The following SGCD variants were observed in gnomAD, a reference collection of about 807,000 sequenced individuals.
SGCD encodes the protein sarcoglycan delta, also known as delta-sarcoglycan.
A neutral mutation model predicts 36.6 loss-of-function variants in SGCD; 18 were observed. The observed-to-expected ratio is 0.49, with a 90% CI of 0.34 to 0.73. The LOEUF (loss-of-function observed/expected upper bound fraction) is 0.73, where lower values mean the gene tolerates loss of function less well. Ranked by LOEUF, SGCD falls within the 30% of genes least tolerant of loss-of-function variation. The probability of loss-of-function intolerance (pLI) is 0.01; values close to 1 mark genes in which losing one functional copy is unlikely to be tolerated. For synonymous variants in SGCD, 133 were observed against 130.6 expected, an observed-to-expected ratio of 1.02 and a Z score of -0.12; for missense variants, 387 against 346.7, an observed-to-expected ratio of 1.12 and a Z score of -0.92.
At chr5:156,482,281 G>A (rs1334601962) in intron 3 of SGCD, among the ~76,000 whole-genome samples, 1 of 151,804 alleles carries the variant, frequency 6.6e-6, no homozygotes, top group Non-Finnish European at 1.5e-5. Flanking sequence ...AAAAAAAACT[G>A]CTAACATATA....
chr5:156,539,765 A>C (rs185351184), intron 4 of SGCD, among the ~76,000 whole-genome samples: 23 of 152,144 alleles, frequency 1.5e-4, no homozygotes, highest in Non-Finnish European at 2.9e-4. Flanking sequence ...TTTTCCTTTG[A>C]GAGGATACCC....
chr5:155,954,644 G>T (rs1225904942), intron 1 of SGCD, among the ~76,000 whole-genome samples: 1 of 151,546 alleles, frequency 6.6e-6, no homozygotes, highest in Admixed American at 6.6e-5. Context: ...TTTGATAGAG[G>T]TAGCCCCAGG....
At position 156,088,855 on chromosome 5, in the gene SGCD, G is replaced by A. The variant is rs142524200; in HGVS notation, c.-281-29023G>A. Among the ~76,000 whole-genome samples, 138 of 152,262 alleles carry A rather than the reference G, an allele frequency of 9.1e-4. 1 individual carries two copies. The highest frequency in any genetic ancestry group is 6.8e-3 in the Middle Eastern group (2 of 294). On this transcript the variant is annotated intron_variant, in intron 1 of 9. Transcript: ENST00000517913. ...CTCACATGTCCAAGCAGCCTCCTCT[G>A]TGGGGTCAAGCTAGGGTGAAGCCAC...
At position 156,175,426 on chromosome 5, in the gene SGCD, G is replaced by A. The variant is rs1461606590; in HGVS notation, c.-44+51407G>A. Among the ~76,000 whole-genome samples, 3 of 151,626 alleles carry A rather than the reference G, an allele frequency of 2.0e-5. No individual in the cohort carries two copies. In the South Asian group the frequency reaches 6.2e-4, roughly 32 times the overall value. On this transcript the variant is annotated intron_variant, in intron 3 of 9. Transcript: ENST00000517913. The stretch of plus-strand genomic sequence containing the variant: ...CTCTACTTAGAAAAAAAAAATATTC[G>A]TGTACCTTAACATTTACCAAATCAC...
At chr5:155,836,382 C>G in the SGCD span, among the ~76,000 whole-genome samples, 1 of 152,138 alleles carries the variant, frequency 6.6e-6, no homozygotes, top group Non-Finnish European at 1.5e-5. Flanking sequence ...AGACTTTCTT[C>G]CTTTTTTATT....
At chr5:155,962,601 A>G (rs1380515020) in intron 1 of SGCD, among the ~76,000 whole-genome samples, 1 of 152,128 alleles carries the variant, frequency 6.6e-6, no homozygotes, top group Non-Finnish European at 1.5e-5. Context: ...GCTTCAGCTG[A>G]GTGTGGCAAG....
At chr5:156,742,409 T>C (rs1756728496) in intron 7 of SGCD, among the ~76,000 whole-genome samples, 1 of 152,030 alleles carries the variant, frequency 6.6e-6, no homozygotes, top group Non-Finnish European at 1.5e-5. Flanking sequence ...CTCTTCCCTC[T>C]CTCAGTGGCT....
chr5:156,035,620 TA>T (rs1437346791), intron 1 of SGCD, among the ~76,000 whole-genome samples: 1 of 151,948 alleles, frequency 6.6e-6, no homozygotes, highest in East Asian at 1.9e-4. Context: ...CTCAAAAAAA[TA>T]AAAAATAATA....
chr5:155,938,111 G>T (rs730026), intron 1 of SGCD, among the ~76,000 whole-genome samples: 1 of 152,186 alleles, frequency 6.6e-6, no homozygotes. Flanking sequence ...AAAAGCTGTT[G>T]TTTGTTGCCT....
At chr5:156,161,955 C>T (rs1188164457) in intron 3 of SGCD, among the ~76,000 whole-genome samples, 1 of 151,472 alleles carries the variant, frequency 6.6e-6, no homozygotes, top group Non-Finnish European at 1.5e-5. Context: ...CACATGCAGT[C>T]ATTTATTGTT....
intron 3 of SGCD, among the ~76,000 whole-genome samples, chr5:156,173,420 T>A (rs1011519515): frequency 4.6e-5 from 7 of 152,166 alleles, no homozygotes; most frequent in African/African-American, 1.4e-4. Flanking sequence ...CAAATTAATG[T>A]CTTTTTGTTC....
At chr5:155,955,377 A>G (rs897673682) in intron 1 of SGCD, among the ~76,000 whole-genome samples, 1 of 152,126 alleles carries the variant, frequency 6.6e-6, no homozygotes, top group Non-Finnish European at 1.5e-5. Context: ...GAATTTTCCC[A>G]AAGCTATTTG....
At chr5:156,477,062 AAAG>A (rs1489076447) in intron 3 of SGCD, among the ~76,000 whole-genome samples, 2 of 151,854 alleles carry the variant, frequency 1.3e-5, no homozygotes, top group African/African-American at 4.8e-5. Flanking sequence ...AAAAAAAAAA[AAAG>A]GAAAACCCAT....
chr5:155,846,297 A>G, the SGCD span, among the ~76,000 whole-genome samples: 3 of 152,348 alleles, frequency 2.0e-5, no homozygotes, highest in South Asian at 6.2e-4. Context: ...TACTGCCCAT[A>G]TAGCTGGAGT....
chr5:156,720,493 T>C (rs1755444006), intron 7 of SGCD, among the ~76,000 whole-genome samples: 1 of 152,108 alleles, frequency 6.6e-6, no homozygotes, highest in South Asian at 2.1e-4. Flanking sequence ...CTGATGTATC[T>C]AGAACAGGGT....
chr5:155,763,214 A>G, the SGCD span, among the ~76,000 whole-genome samples: 1 of 152,160 alleles, frequency 6.6e-6, no homozygotes, highest in Non-Finnish European at 1.5e-5. Context: ...AATTTCAGGG[A>G]TGAAGGAATT....
At chr5:156,140,238 C>T (rs1272252444) in intron 3 of SGCD, among the ~76,000 whole-genome samples, 2 of 152,090 alleles carry the variant, frequency 1.3e-5, no homozygotes, top group African/African-American at 2.4e-5. Flanking sequence ...ATTAGGAAGT[C>T]GGTAATGGGT....
At chr5:156,575,945 T>C (rs1050381965) in intron 4 of SGCD, among the ~76,000 whole-genome samples, 1 of 152,124 alleles carries the variant, frequency 6.6e-6, no homozygotes, top group African/African-American at 2.4e-5. Flanking sequence ...TTTTTAATAC[T>C]TTAAGTTCTA....
the SGCD span, among the ~76,000 whole-genome samples, chr5:155,742,304 G>A: frequency 5.9e-5 from 9 of 152,090 alleles, no homozygotes; most frequent in Middle Eastern, 3.2e-3. Context: ...TCAATTGTAT[G>A]CACTTTTTTC....
Sources: allele counts gnomAD v4.1 joint callset (sites outside exome capture counted in the v4.1 genomes callset), GRCh38; gene constraint gnomAD v4.1.1; transcripts MANE v1.5; gene names NCBI Gene and HGNC (gene_info 2026-07-23, HGNC 2026-07-21).